Variants in BBS9 observed in about 807,000 individuals in gnomAD.
BBS9 encodes the protein Bardet-Biedl syndrome 9, also known as protein PTHB1.
A neutral mutation model predicts 117.7 loss-of-function variants in BBS9; 89 were observed. The ratio of observed to expected loss-of-function variants is 0.76; its 90% confidence interval spans 0.64 to 0.90. The LOEUF (loss-of-function observed/expected upper bound fraction) is 0.90, where lower values mean the gene tolerates loss of function less well. BBS9 is among the 40% of genes least tolerant of loss of function. The pLI, the probability that BBS9 is intolerant of heterozygous loss-of-function variation, is 0.00. For synonymous variants in BBS9, 379 were observed against 370.9 expected (o/e 1.02, Z -0.25); for missense variants, 982 against 1,042.2 (o/e 0.94, Z 0.80).
At chr7:33,446,858 C>T (rs922824611) in intron 19 of BBS9, among the ~76,000 whole-genome samples, 4 of 152,200 alleles carry the variant, frequency 2.6e-5, no homozygotes, top group African/African-American at 7.2e-5. Flanking sequence ...AGAGGGCTTC[C>T]GGCTGGCATC....
intron 21 of BBS9, among the ~76,000 whole-genome samples, chr7:33,593,758 T>C (rs2129183137): frequency 1.3e-5 from 2 of 152,160 alleles, no homozygotes; most frequent in South Asian, 4.1e-4. Flanking sequence ...TGCCAACAAT[T>C]AATTGGGGAA....
rs540090079 is a variant in BBS9 at position 33,449,997 on chromosome 7, A to G, written c.2116-55466A>G. ...CCATTCCCCACATGACTGAAACCCT[A>G]CATACATTAAACAACAACTCTCTAC... On this transcript the variant is annotated intron_variant, in intron 19 of 22. Coordinates refer to ENST00000242067, the MANE Select transcript of BBS9 (RefSeq NM_198428.3). 9.9e-4 allele frequency among the ~76,000 whole-genome samples: 151 copies of G among 152,254 alleles called. 1 individual carries two copies. Among genetic ancestry groups the G allele is most frequent in the African/African-American group, 3.5e-3 (146 of 41,560 alleles).
chr7:33,418,062 A>G (rs1343376196), intron 19 of BBS9, among the ~76,000 whole-genome samples: 1 of 152,172 alleles, frequency 6.6e-6, no homozygotes, highest in African/African-American at 2.4e-5. Flanking sequence ...CATGCCTAGT[A>G]TAGGGTAGGT....
At chr7:33,581,842 A>G (rs146256551) in intron 21 of BBS9, among the ~76,000 whole-genome samples, 30 of 152,316 alleles carry the variant, frequency 2.0e-4, no homozygotes, top group African/African-American at 7.0e-4. Flanking sequence ...GAATTTAAAC[A>G]CACACGATTT....
intron 21 of BBS9, among the ~76,000 whole-genome samples, chr7:33,596,162 C>G (rs1011787006): frequency 6.6e-6 from 1 of 151,070 alleles, no homozygotes; most frequent in Non-Finnish European, 1.5e-5. Context: ...ATATTCTGCA[C>G]TTGTATCCTG....
chr7:33,189,778 C>T (rs1161420413), intron 5 of BBS9, among the ~76,000 whole-genome samples: 1 of 151,002 alleles, frequency 6.6e-6, no homozygotes, highest in African/African-American at 2.4e-5. Context: ...CCCAGCTACT[C>T]AGGAAGCTGA....
chr7:33,436,973 A>T (rs1045160705), intron 19 of BBS9, among the ~76,000 whole-genome samples: 1 of 152,218 alleles, frequency 6.6e-6, no homozygotes, highest in African/African-American at 2.4e-5. Flanking sequence ...TTTAACATGA[A>T]CTTTGGTGGT....
intron 3 of BBS9, among the ~76,000 whole-genome samples, chr7:33,155,134 T>A (rs943993867): frequency 6.6e-6 from 1 of 152,262 alleles, no homozygotes; most frequent in African/African-American, 2.4e-5. Context: ...ATACTTGTAA[T>A]AAAATTTCAG....
At chr7:33,468,815 T>C (rs115576388) in intron 19 of BBS9, among the ~76,000 whole-genome samples, 6,952 of 152,284 alleles carry the variant, frequency 0.046, 231 homozygotes, top group Middle Eastern at 0.099. Flanking sequence ...GCCTCAGCTA[T>C]GCTGCTGCAA....
At chr7:33,290,106 A>G (rs1281701163) in intron 9 of BBS9, among the ~76,000 whole-genome samples, 3 of 152,184 alleles carry the variant, frequency 2.0e-5, no homozygotes, top group East Asian at 3.9e-4. Flanking sequence ...TACAGTTCGC[A>G]TTTAGGATTG....
chr7:33,289,197 G>C (rs926218296), intron 9 of BBS9, among the ~76,000 whole-genome samples: 1 of 152,152 alleles, frequency 6.6e-6, no homozygotes, highest in Non-Finnish European at 1.5e-5. Context: ...AAACCAGAAA[G>C]TGGAAGCCTA....
chr7:33,483,518 C>T (rs748955201), intron 19 of BBS9, among the ~76,000 whole-genome samples: 1 of 152,150 alleles, frequency 6.6e-6, no homozygotes, highest in Non-Finnish European at 1.5e-5. Flanking sequence ...CTTCAGCCTT[C>T]ATTTTTTAAT....
chr7:33,338,135 T>C (rs1196083911), intron 10 of BBS9, among the ~76,000 whole-genome samples: 1 of 152,158 alleles, frequency 6.6e-6, no homozygotes, highest in Non-Finnish European at 1.5e-5. Flanking sequence ...GTGCATGATT[T>C]ACATAACCTC....
At chr7:33,333,165 G>A (rs1371402915) in intron 9 of BBS9, among the ~76,000 whole-genome samples, 1 of 152,092 alleles carries the variant, frequency 6.6e-6, no homozygotes, top group Non-Finnish European at 1.5e-5. Flanking sequence ...TCATCGAGAA[G>A]TATATACTGT....
chr7:33,223,871 T>C (rs1790745625), intron 5 of BBS9, among the ~76,000 whole-genome samples: 1 of 152,258 alleles, frequency 6.6e-6, no homozygotes, highest in Non-Finnish European at 1.5e-5. Context: ...AGTGCCACTT[T>C]GTAGTAATAA....
At chr7:33,565,844 T>TATATATATATATATATATATATATA (rs5883407) in intron 21 of BBS9, among the ~76,000 whole-genome samples, 5 of 80,036 alleles carry the variant, frequency 6.2e-5, no homozygotes, top group African/African-American at 2.0e-4. Flanking sequence ...TATATACTGC[T>TATATATATATATATATATATATATA]TATATATATA....
At chr7:33,421,395 A>G (rs771485452) in intron 19 of BBS9, among the ~76,000 whole-genome samples, 7 of 152,226 alleles carry the variant, frequency 4.6e-5, no homozygotes, top group Non-Finnish European at 5.9e-5. Context: ...GTAGCCATTT[A>G]TTAATATGTG....
chr7:33,379,256 T>C (rs1471252213), intron 17 of BBS9, among the ~76,000 whole-genome samples: 1 of 152,226 alleles, frequency 6.6e-6, no homozygotes, highest in Non-Finnish European at 1.5e-5. Flanking sequence ...TTGAATTATA[T>C]ATGTGTCTTT....
chr7:33,393,814 G>A (rs903973527), intron 19 of BBS9, among the ~76,000 whole-genome samples: 4 of 152,114 alleles, frequency 2.6e-5, no homozygotes, highest in African/African-American at 9.7e-5. Flanking sequence ...CCTATTGTGG[G>A]TGGCAGCCTC....
Sources: gnomAD v4.1 joint callset for allele counts (sites outside exome capture counted in the v4.1 genomes callset) on GRCh38, gnomAD v4.1.1 for gene constraint, MANE v1.5 for transcripts, NCBI Gene and HGNC (gene_info 2026-07-23, HGNC 2026-07-21) for gene names.